The following RIMBP2 variants were observed in gnomAD, a reference collection of about 807,000 sequenced individuals.
RIMBP2 encodes the protein RIMS binding protein 2.
In RIMBP2, 48 loss-of-function variants were observed where a neutral mutation model predicts 118.6. The ratio of observed to expected loss-of-function variants is 0.40; its 90% CI spans 0.32 to 0.51. The LOEUF is 0.51. Among genes scored for constraint, RIMBP2 ranks in the 20% least tolerant of loss-of-function variants. The pLI is 0.41. For synonymous variants in RIMBP2, 762 were observed against 742.9 expected (o/e 1.03, Z -0.42); for missense variants, 1,551 against 1,768.3 (o/e 0.88, Z 2.20).
chr12:130,458,807 G>T (rs12299462), intron 6 of RIMBP2, among the ~76,000 whole-genome samples: 39,060 of 152,024 alleles, frequency 0.26, 6,242 homozygotes, highest in Non-Finnish European at 0.34. Context: ...CACTTTGAGA[G>T]GCCGAGGTGG....
chr12:130,459,594 G>A (rs556366210), intron 6 of RIMBP2, among the ~76,000 whole-genome samples: 2 of 152,320 alleles, frequency 1.3e-5, no homozygotes, highest in Admixed American at 1.3e-4. Flanking sequence ...CCATCAAGGG[G>A]GCTAAGGGCG....
intron 1 of RIMBP2, among the ~76,000 whole-genome samples, chr12:130,702,047 C>T (rs982649720): frequency 1.5e-4 from 23 of 152,148 alleles, no homozygotes; most frequent in Admixed American, 1.2e-3. Context: ...AGTCAATAAT[C>T]CAGTACGAGG....
At chr12:130,626,749 C>T (rs1363046965) in intron 2 of RIMBP2, among the ~76,000 whole-genome samples, 1 of 151,810 alleles carries the variant, frequency 6.6e-6, no homozygotes, top group Admixed American at 6.6e-5. Flanking sequence ...TCATCACCAT[C>T]TCCTCTGTTG....
At chr12:130,534,058 C>G (rs2083814346) in intron 2 of RIMBP2, among the ~76,000 whole-genome samples, 1 of 151,094 alleles carries the variant, frequency 6.6e-6, no homozygotes, top group African/African-American at 2.4e-5. Flanking sequence ...CCCAGCTACT[C>G]TGGAGGCTGA....
At chr12:130,494,851 A>G (rs2048991580) in intron 4 of RIMBP2, among the ~76,000 whole-genome samples, 1 of 152,178 alleles carries the variant, frequency 6.6e-6, no homozygotes, top group Non-Finnish European at 1.5e-5. Flanking sequence ...TCTGCTTAAG[A>G]CAATGGAAAG....
chr12:130,399,649 A>G lies in RIMBP2; in HGVS notation c.3900+30T>C. The G allele has an allele frequency of 1.2e-6, 2 of 1,612,702 alleles. 1 individual carries two copies. Among genetic ancestry groups the G allele is most frequent in the South Asian group, 2.2e-5 (2 of 90,984 alleles). ...GACCACATATGGCAGAACGGGACAG[A>G]GATTAAAAAGGCTAAATAGGTTTGC... On this transcript the variant is annotated intron_variant, in intron 22 of 22. Transcript: ENST00000690449.
intron 6 of RIMBP2, among the ~76,000 whole-genome samples, chr12:130,468,386 G>A (rs991114733): frequency 3.3e-5 from 5 of 152,170 alleles, no homozygotes; most frequent in African/African-American, 7.2e-5. Flanking sequence ...CAGCAGGTCC[G>A]AGGCCGGGCC....
At chr12:130,676,477 G>A (rs754021052) in intron 1 of RIMBP2, among the ~76,000 whole-genome samples, 25 of 151,896 alleles carry the variant, frequency 1.6e-4, no homozygotes, top group Non-Finnish European at 2.6e-4. Context: ...ACAAAAATTA[G>A]CTGGGTGTGG....
chr12:130,647,783 G>A (rs1325674212), intron 1 of RIMBP2, among the ~76,000 whole-genome samples: 1 of 146,020 alleles, frequency 6.8e-6, no homozygotes, highest in Non-Finnish European at 1.6e-5. Flanking sequence ...TAACCTCCAT[G>A]TATTGGTGTG....
intron 2 of RIMBP2, among the ~76,000 whole-genome samples, chr12:130,524,198 G>A (rs537413614): frequency 5.3e-4 from 81 of 152,278 alleles, no homozygotes; most frequent in Non-Finnish European, 8.8e-4. Context: ...AACCCACCAC[G>A]TCTTTCTGAT....
rs995713137 is a variant in RIMBP2, at chr12:130,630,817, A to C, written c.-351-2361T>G. 1.6e-4 allele frequency among the ~76,000 whole-genome samples: 25 copies of C among 152,338 alleles called. 1 individual carries two copies. Among genetic ancestry groups the C allele is most frequent in the Admixed American group, 1.6e-3 (25 of 15,294 alleles). ...TATTATTTCCAACTTAAGGTTCTAT[A>C]CCCAAAACAAGCTGTCAGTCAAGTG... On this transcript the variant is annotated intron_variant, in intron 1 of 22. Transcript: ENST00000690449.
Position 130,513,744 on chromosome 12 carries a change from C to G in RIMBP2, c.-127+4084G>C, listed in dbSNP as rs138945893. Among the ~76,000 whole-genome samples the G allele has an allele frequency of 2.4e-4, 36 of 152,312 alleles. No homozygotes were observed. In the South Asian group the frequency reaches 3.5e-3, roughly 15 times the overall value. Reference sequence around the variant, plus strand: ...TCACAGTTTGCACCTAAGAACCAATCATTTCCGCACAGGGAAAAATGCTGA... The same window carrying G: ...TCACAGTTTGCACCTAAGAACCAATGATTTCCGCACAGGGAAAAATGCTGA... On this transcript the variant is annotated intron_variant, in intron 3 of 22. Transcript: ENST00000690449.
At chr12:130,652,686 G>A (rs2063277404) in intron 1 of RIMBP2, among the ~76,000 whole-genome samples, 2 of 152,152 alleles carry the variant, frequency 1.3e-5, no homozygotes, top group Admixed American at 6.6e-5. Context: ...ACCTGAACCT[G>A]GGTGATTTAT....
At chr12:130,547,665 G>A (rs1016170349) in intron 2 of RIMBP2, among the ~76,000 whole-genome samples, 13 of 152,304 alleles carry the variant, frequency 8.5e-5, no homozygotes, top group Admixed American at 2.6e-4. Flanking sequence ...CGTCAGCCCC[G>A]AAATGGGGAA....
At chr12:130,492,434 G>A (rs2048726631) in intron 4 of RIMBP2, among the ~76,000 whole-genome samples, 1 of 151,778 alleles carries the variant, frequency 6.6e-6, no homozygotes, top group Admixed American at 6.6e-5. Flanking sequence ...AGTTCCTTTG[G>A]GGGAAAAAAA....
At chr12:130,601,093 A>G (rs2059850550) in intron 2 of RIMBP2, among the ~76,000 whole-genome samples, 1 of 151,984 alleles carries the variant, frequency 6.6e-6, no homozygotes, top group Non-Finnish European at 1.5e-5. Context: ...GCATTTATAC[A>G]CCTTGTCAGG....
intron 7 of RIMBP2, 58 bp downstream of exon 7, chr12:130,456,438 G>A: frequency 6.8e-7 from 1 of 1,464,640 alleles, no homozygotes; most frequent in Non-Finnish European, 9.2e-7. Flanking sequence ...CACCCTCGCA[G>A]GCAGCCAACG....
rs532480835 is a variant in RIMBP2, at chr12:130,602,831, T to C, written c.-217+25491A>G. Among the ~76,000 whole-genome samples the C allele has an allele frequency of 2.6e-5, 4 of 152,296 alleles. No homozygotes were observed. In the South Asian group the frequency reaches 8.3e-4, roughly 32 times the overall value. ...TTAGCATAAACAGAGAAGTGTTATT[T>C]TGGCAGCTCAAAAATTGAATTATGA... is the stretch of plus-strand genomic sequence containing the variant. On this transcript the variant is annotated intron_variant, in intron 2 of 22. Transcript: ENST00000690449.
intron 2 of RIMBP2, among the ~76,000 whole-genome samples, chr12:130,535,467 T>C (rs1297852329): frequency 6.6e-6 from 1 of 152,004 alleles, no homozygotes; most frequent in Non-Finnish European, 1.5e-5. Context: ...TGAGCCAAGA[T>C]CATGCCTCTG....
Sources: allele counts gnomAD v4.1 joint callset (sites outside exome capture counted in the v4.1 genomes callset), GRCh38; gene constraint gnomAD v4.1.1; transcripts MANE v1.5; gene names NCBI Gene and HGNC (gene_info 2026-07-23, HGNC 2026-07-21).